The following EEF1E1 variants were observed in gnomAD, a reference collection of about 807,000 sequenced individuals.
EEF1E1 encodes the protein eukaryotic translation elongation factor 1 epsilon-1.
Under a neutral mutation model 19.9 loss-of-function variants are expected in EEF1E1, and 19 were observed. That is an observed-to-expected ratio of 0.95 (90% CI 0.66 to 1.40). The LOEUF is 1.40. Ranked by LOEUF, EEF1E1 falls within the 40% of genes most tolerant of loss-of-function variation. The probability of loss-of-function intolerance (pLI) is 0.00; values close to 1 mark genes in which losing one functional copy is unlikely to be tolerated. For synonymous variants in EEF1E1, 81 were observed against 80.0 expected (o/e 1.01, Z -0.07); for missense variants, 198 against 202.2 (o/e 0.98, Z 0.13).
downstream of EEF1E1, chr6:8,078,823 C>T: frequency 8.6e-7 from 1 of 1,166,530 alleles, no homozygotes. Flanking sequence ...CTACTTTAAT[C>T]CTAATTTAGC....
chr6:8,092,868 G>GTTTTTTTTTTTTTT lies in EEF1E1; in HGVS notation c.289-2588_289-2587insAAAAAAAAAAAAAA, dbSNP rs1554099258. Among the ~76,000 whole-genome samples, 34 of 108,192 alleles carry GTTTTTTTTTTTTTT rather than the reference G, an allele frequency of 3.1e-4. 2 individuals carry two copies. The highest frequency in any genetic ancestry group is 5.2e-4 in the Non-Finnish European group (28 of 53,742). The allele number at this position is 108,192 out of a possible 152,430, so 71.0% of individuals were successfully genotyped here. On this transcript the variant is annotated intron_variant, in intron 2 of 3. Transcript: ENST00000379715. ...GTTTTGTGTTTTAGTGATAAAGACT[G>GTTTTTTTTTTTTTT]CTTTTTTTTTTTTTTTTTTTTTTTG...
chr6:8,086,624 A>C (rs1757861568), intron 3 of EEF1E1, among the ~76,000 whole-genome samples: 1 of 152,202 alleles, frequency 6.6e-6, no homozygotes, highest in Non-Finnish European at 1.5e-5. Context: ...TGGCCCTTCC[A>C]AAAACTGAGC....
chr6:8,101,874 G>A, intron 1 of EEF1E1: 2 of 1,268,824 alleles, frequency 1.6e-6, no homozygotes, highest in Non-Finnish European at 2.1e-6. Flanking sequence ...CTCCTTAGGT[G>A]TTCTCTCTGC....
chr6:8,084,668 TA>T (rs1402212860), intron 3 of EEF1E1, among the ~76,000 whole-genome samples: 3 of 152,206 alleles, frequency 2.0e-5, no homozygotes, highest in African/African-American at 7.2e-5. Context: ...TTTCCTAATA[TA>T]AAGCTTAAAA....
At chr6:8,078,910 T>C (rs1406469600), downstream of EEF1E1, among the ~76,000 whole-genome samples, 1 of 152,122 alleles carries the variant, frequency 6.6e-6, no homozygotes, top group Non-Finnish European at 1.5e-5. Context: ...CTTTGAAGGG[T>C]CCACTGGTCA....
At chr6:8,098,376 C>T (rs560338186) in intron 1 of EEF1E1, among the ~76,000 whole-genome samples, 1 of 152,234 alleles carries the variant, frequency 6.6e-6, no homozygotes, top group Non-Finnish European at 1.5e-5. Flanking sequence ...CCTCGGCCTC[C>T]CAAAGTGCTA....
intron 1 of EEF1E1, among the ~76,000 whole-genome samples, chr6:8,099,778 A>ACC (rs1758281251): frequency 7.9e-6 from 1 of 127,254 alleles, no homozygotes; most frequent in Non-Finnish European, 1.7e-5. Flanking sequence ...ACACACACAC[A>ACC]CACACACACA....
At position 8,073,447 on chromosome 6, in the gene EEF1E1, T is replaced by C. The variant is rs181216345; in HGVS notation, c.*28A>G. Reference sequence around the variant, plus strand: ...CATTTGTGTTTGAATCTCAGTTCCTTGATCTCAGTTCCTTGTATGATGTTG... The same window carrying C: ...CATTTGTGTTTGAATCTCAGTTCCTCGATCTCAGTTCCTTGTATGATGTTG... On this transcript the variant is annotated 3_prime_UTR_variant, in exon 4 of 4. Transcript: ENST00000429723. 6,491 of 1,550,562 alleles carry C rather than the reference T, an allele frequency of 4.2e-3. 15 individuals carry two copies. Among genetic ancestry groups the C allele is most frequent in the Non-Finnish European group, 5.1e-3 (5,898 of 1,146,240 alleles).
intron 1 of EEF1E1, among the ~76,000 whole-genome samples, chr6:8,099,496 C>T (rs1173241782): frequency 1.3e-5 from 2 of 152,120 alleles, no homozygotes; most frequent in Admixed American, 1.3e-4. Flanking sequence ...CCTGTAATCC[C>T]AGCACTTTGG....
chr6:8,086,673 T>C (rs1482713575), intron 3 of EEF1E1, among the ~76,000 whole-genome samples: 1 of 152,220 alleles, frequency 6.6e-6, no homozygotes, highest in African/African-American at 2.4e-5. Flanking sequence ...TAAGCATTAG[T>C]TTCTTTCTCT....
downstream of EEF1E1, among the ~76,000 whole-genome samples, chr6:8,076,463 A>C (rs1355583336): frequency 6.6e-6 from 1 of 151,900 alleles, no homozygotes; most frequent in Non-Finnish European, 1.5e-5. Context: ...AGCTGGGACT[A>C]CAGGCGCCCA....
In EEF1E1 at chr6:8,081,554, A is replaced by G. The variant is rs146589965; in HGVS notation, c.385-1524T>C. Among the ~76,000 whole-genome samples, 50 of 152,336 alleles carry G rather than the reference A, an allele frequency of 3.3e-4. No individual in the cohort carries two copies. In the East Asian group the frequency reaches 8.1e-3, roughly 25 times the overall value. On this transcript the variant is annotated intron_variant, in intron 3 of 3. Transcript: ENST00000379715. ...TGTGGAATAAACTGAGCATCAGTCT[A>G]TATTTCAAAAATATTTTGAAAAATA...
chr6:8,095,255 C>T, intron 2 of EEF1E1: 1 of 253,556 alleles, frequency 3.9e-6, no homozygotes, highest in Non-Finnish European at 8.2e-6. Flanking sequence ...AATCCCAGCA[C>T]TTTGGGAGGC....
chr6:8,098,834 A>G (rs1758246501), intron 1 of EEF1E1, among the ~76,000 whole-genome samples: 1 of 152,204 alleles, frequency 6.6e-6, no homozygotes, highest in South Asian at 2.1e-4. Flanking sequence ...AGGGACTCAC[A>G]ACTGCTGGGC....
In EEF1E1 at chr6:8,095,607, G is replaced by GA. The variant is rs199860246; in HGVS notation, c.288+1659dup. ...ATACATGCACACATATATACAAAAG[G>GA]AAAAAAAAGGCATAGAAAAAACACA... On this transcript the variant is annotated intron_variant, in intron 2 of 3. Transcript: ENST00000379715. 7.4e-3 allele frequency: 1,106 copies of GA among 150,148 alleles called. 10 individuals carry two copies. Among genetic ancestry groups the GA allele is most frequent in the African/African-American group, 0.026 (1,028 of 39,858 alleles). The allele number at this position is 150,148 out of a possible 1,614,324, so 9.3% of individuals were successfully genotyped here.
chr6:8,080,895 A>C (rs980518801), intron 3 of EEF1E1, among the ~76,000 whole-genome samples: 3 of 151,968 alleles, frequency 2.0e-5, no homozygotes, highest in Non-Finnish European at 4.4e-5. Flanking sequence ...AGCGCTACAA[A>C]CCCCCCAGCA....
chr6:8,078,328 C>T (rs1021277491), downstream of EEF1E1, among the ~76,000 whole-genome samples: 3 of 151,776 alleles, frequency 2.0e-5, no homozygotes, highest in Admixed American at 6.6e-5. Flanking sequence ...AGAAGGGGAA[C>T]GGCTGGTCAG....
chr6:8,077,022 C>T (rs1416185507), downstream of EEF1E1, among the ~76,000 whole-genome samples: 33 of 149,004 alleles, frequency 2.2e-4, no homozygotes, highest in Non-Finnish European at 3.0e-5. Flanking sequence ...CGGCTCACTG[C>T]AAGCTCCGCC....
At position 8,079,791 on chromosome 6, in the gene EEF1E1, A is replaced by T. The variant is rs527503523; in HGVS notation, c.*99T>A. ...AAAATTCTATCAACTTCAACAAATA[A>T]TGAATGACTGTATATTAATTTACAT... On this transcript the variant is annotated 3_prime_UTR_variant, in exon 4 of 4. Transcript: ENST00000379715. The T allele has an allele frequency of 5.0e-6, 7 of 1,392,124 alleles. No individual in the cohort carries two copies. Among genetic ancestry groups the T allele is most frequent in the Non-Finnish European group, 6.6e-6 (7 of 1,066,886 alleles). The allele number at this position is 1,392,124 out of a possible 1,614,324, so 86.2% of individuals were successfully genotyped here.
Sources: gnomAD v4.1 joint callset for allele counts (sites outside exome capture counted in the v4.1 genomes callset) on GRCh38, gnomAD v4.1.1 for gene constraint, MANE v1.5 for transcripts, NCBI Gene and HGNC (gene_info 2026-07-23, HGNC 2026-07-21) for gene names.